The following ESRRB variants were observed in gnomAD, a reference collection of about 807,000 sequenced individuals.
ESRRB encodes the protein estrogen related receptor beta, also known as steroid hormone receptor ERR2.
ESRRB carries 16 observed loss-of-function variants against 46.0 expected under a neutral mutation model. That is an observed-to-expected ratio of 0.35 (90% CI 0.24 to 0.53). The LOEUF is 0.53. Ranked by LOEUF, ESRRB falls within the 20% of genes least tolerant of loss-of-function variation. The pLI is 0.93. For synonymous variants in ESRRB, 246 were observed against 259.6 expected, an observed-to-expected ratio of 0.95 and a Z score of 0.50; for missense variants, 488 against 607.4, an observed-to-expected ratio of 0.80 and a Z score of 2.07.
intron 1 of ESRRB, among the ~76,000 whole-genome samples, chr14:76,418,997 A>T (rs7150798): frequency 1.3e-5 from 2 of 151,238 alleles, no homozygotes; most frequent in African/African-American, 4.9e-5. Flanking sequence ...ATCTGGAATC[A>T]TGATGTTGAG....
chr14:76,322,588 A>T (rs972416606), intron 1 of ESRRB, among the ~76,000 whole-genome samples: 1 of 152,222 alleles, frequency 6.6e-6, no homozygotes, highest in Middle Eastern at 3.4e-3. Flanking sequence ...TCCACAGGTC[A>T]TCTTTCTTGA....
At chr14:76,469,088 A>T (rs1889248721) in intron 3 of ESRRB, among the ~76,000 whole-genome samples, 1 of 151,344 alleles carries the variant, frequency 6.6e-6, no homozygotes, top group African/African-American at 2.4e-5. Flanking sequence ...CAAGGACTTC[A>T]TTCCTTTATT....
chr14:76,335,961 G>A (rs1197935150), intron 1 of ESRRB, among the ~76,000 whole-genome samples: 1 of 152,088 alleles, frequency 6.6e-6, no homozygotes, highest in African/African-American at 2.4e-5. Context: ...TTAACAAAGG[G>A]GAAAATGAGG....
chr14:76,348,515 T>A (rs181163820), intron 1 of ESRRB, among the ~76,000 whole-genome samples: 3 of 152,336 alleles, frequency 2.0e-5, no homozygotes, highest in African/African-American at 4.8e-5. Flanking sequence ...CTCAGAATCA[T>A]CCTTAGCCAA....
upstream of ESRRB, among the ~76,000 whole-genome samples, chr14:76,370,595 C>T (rs190628509): frequency 3.9e-5 from 6 of 152,262 alleles, no homozygotes; most frequent in Non-Finnish European, 8.8e-5. Context: ...CAGGTACTAT[C>T]GAGGTATGGT....
chr14:76,421,040 G>A (rs1886933147), intron 1 of ESRRB, among the ~76,000 whole-genome samples: 1 of 152,178 alleles, frequency 6.6e-6, no homozygotes, highest in African/African-American at 2.4e-5. Context: ...GCTGGCCTTG[G>A]AACACTGGTC....
Position 76,376,229 on chromosome 14 carries a change from G to C in ESRRB, c.-173G>C, listed in dbSNP as rs1024201006. 67 of 406,352 alleles carry C rather than the reference G, an allele frequency of 1.6e-4. No individual in the cohort carries two copies. Among genetic ancestry groups the C allele is most frequent in the African/African-American group, 1.2e-3 (60 of 48,818 alleles). The allele number at this position is 406,352 out of a possible 1,614,324, so 25.2% of individuals were successfully genotyped here. ...GGATGAGTGGAGAGCTGGGCTGTGC[G>C]CGCACGGCTCTCTGCCTCCCTCTCC... is the stretch of plus-strand genomic sequence containing the variant. On this transcript the variant is annotated 5_prime_UTR_variant, in exon 1 of 7. Coordinates refer to ENST00000644823, the MANE Select transcript of ESRRB (RefSeq NM_001379180.1). The surrounding 1 kb of genome is among the most constrained non-coding windows in gnomAD (Gnocchi z 4.1).
chr14:76,349,680 T>C (rs1884290917), intron 1 of ESRRB, among the ~76,000 whole-genome samples: 1 of 152,216 alleles, frequency 6.6e-6, no homozygotes, highest in African/African-American at 2.4e-5. Context: ...GAGAGCATCC[T>C]CGTCCACTAG....
At chr14:76,449,761 C>CTT (rs79764142) in intron 2 of ESRRB, among the ~76,000 whole-genome samples, 18,962 of 126,122 alleles carry the variant, frequency 0.15, 2,405 homozygotes, top group African/African-American at 0.35. Flanking sequence ...TTTTTCTTTC[C>CTT]TTTTTTTTTT....
chr14:76,451,789 ATTT>A (rs111716273), intron 2 of ESRRB, among the ~76,000 whole-genome samples: 3 of 122,766 alleles, frequency 2.4e-5, no homozygotes, highest in Admixed American at 8.8e-5. Flanking sequence ...TGCCCAGCTA[ATTT>A]TTTTTTTTTT....
At chr14:76,457,235 C>T (rs1266864579) in intron 2 of ESRRB, among the ~76,000 whole-genome samples, 3 of 151,940 alleles carry the variant, frequency 2.0e-5, no homozygotes, top group South Asian at 2.1e-4. Flanking sequence ...CCACAGGCAC[C>T]GGCAGCATCC....
At chr14:76,336,588 A>G (rs535206406) in intron 1 of ESRRB, among the ~76,000 whole-genome samples, 1 of 151,936 alleles carries the variant, frequency 6.6e-6, no homozygotes, top group African/African-American at 2.4e-5. Flanking sequence ...CCTTCCTTCT[A>G]TTGTCTTTCC....
intron 5 of ESRRB, among the ~76,000 whole-genome samples, chr14:76,486,362 C>T (rs571147542): frequency 6.6e-6 from 1 of 152,272 alleles, no homozygotes; most frequent in African/African-American, 2.4e-5. Context: ...ACAAAAGTCC[C>T]TCAGCGGCAC....
At chr14:76,398,500 C>G (rs1327847528) in intron 1 of ESRRB, among the ~76,000 whole-genome samples, 2 of 152,166 alleles carry the variant, frequency 1.3e-5, no homozygotes, top group Non-Finnish European at 2.9e-5. Flanking sequence ...TTGCTGCTTA[C>G]CACCTTGTCA....
intron 2 of ESRRB, among the ~76,000 whole-genome samples, chr14:76,445,482 AAAAG>A (rs1165122151): frequency 2.3e-3 from 278 of 119,812 alleles, no homozygotes; most frequent in Middle Eastern, 0.012. Context: ...AAAAAAAAAA[AAAAG>A]AAAGAAAGAA....
At chr14:76,327,701 T>TTTG (rs1413125765) in intron 1 of ESRRB, among the ~76,000 whole-genome samples, 2 of 151,988 alleles carry the variant, frequency 1.3e-5, no homozygotes, top group Non-Finnish European at 2.9e-5. Flanking sequence ...GCCTGTGCTT[T>TTTG]TTGTTGTTGT....
intron 1 of ESRRB, among the ~76,000 whole-genome samples, chr14:76,412,325 T>G (rs1323600392): frequency 6.6e-6 from 1 of 152,254 alleles, no homozygotes; most frequent in Non-Finnish European, 1.5e-5. Context: ...TTTCCCCTTC[T>G]GAGGAGTGGA....
intron 1 of ESRRB, among the ~76,000 whole-genome samples, chr14:76,389,377 C>T (rs995727089): frequency 6.6e-6 from 1 of 152,088 alleles, no homozygotes; most frequent in Admixed American, 6.6e-5. Flanking sequence ...GTCCTAGAGT[C>T]CAAGGTCATC....
At chr14:76,421,337 G>A (rs781220152) in intron 1 of ESRRB, among the ~76,000 whole-genome samples, 7 of 152,168 alleles carry the variant, frequency 4.6e-5, no homozygotes, top group Non-Finnish European at 8.8e-5. Context: ...GGGCCCACCT[G>A]ACAATGTCTG....
Sources: allele counts gnomAD v4.1 joint callset (sites outside exome capture counted in the v4.1 genomes callset), GRCh38; gene constraint gnomAD v4.1.1; non-coding constraint Gnocchi (gnomAD v3.1); transcripts MANE v1.5; gene names NCBI Gene and HGNC (gene_info 2026-07-23, HGNC 2026-07-21).